Variants in PDGFA observed in about 807,000 individuals in gnomAD.
The protein encoded by PDGFA is platelet-derived growth factor subunit A.
In PDGFA, 9 loss-of-function variants were observed where a neutral mutation model predicts 25.6. The observed-to-expected ratio is 0.35, with a 90% CI of 0.21 to 0.61. The LOEUF is 0.61. Ranked by LOEUF, PDGFA falls within the 20% of genes least tolerant of loss-of-function variation. The probability of loss-of-function intolerance (pLI) is 0.75; values close to 1 mark genes in which losing one functional copy is unlikely to be tolerated. For missense variants in PDGFA, 242 were observed against 272.8 expected (o/e 0.89, Z 0.79); for synonymous variants, 133 against 111.8 (o/e 1.19, Z -1.20).
At position 517,896 on chromosome 7, in the gene PDGFA, A is replaced by G. The variant is rs891959797; in HGVS notation, c.64-406T>C. On this transcript the variant is annotated intron_variant, in intron 1 of 5. Transcript: ENST00000402802. This position sits in a 1 kb window ranked among gnomAD's most constrained non-coding sequence, Gnocchi z 7.4. ...AGTTAAAATGCGTCACGGGTCGGCGAGAGTCACGGCAGCCCTAACACTTTA... is the reference window on the plus strand; with the variant it reads ...AGTTAAAATGCGTCACGGGTCGGCGGGAGTCACGGCAGCCCTAACACTTTA... Among the ~76,000 whole-genome samples the G allele has an allele frequency of 1.3e-5, 2 of 152,206 alleles. No individual in the cohort carries two copies.
chr7:498,456 G>A (rs1024501918), exon 6 of PDGFA: 101 of 1,063,968 alleles, frequency 9.5e-5, no homozygotes, highest in Non-Finnish European at 1.2e-4. Context: ...AGTTTTTCAC[G>A]GAGGAGAACA....
chr7:507,171 G>A (rs751617038), intron 4 of PDGFA, among the ~76,000 whole-genome samples: 40 of 152,214 alleles, frequency 2.6e-4, no homozygotes, highest in Non-Finnish European at 4.4e-4. Context: ...AGCCCCCTGG[G>A]TCCAAAGCCG....
upstream of PDGFA, chr7:519,914 G>GCCCC (rs758427523): frequency 1.0e-4 from 6 of 59,404 alleles, no homozygotes; most frequent in East Asian, 6.7e-4. Context: ...CCCCGCCCCC[G>GCCCC]CCCCCCCCCC....
intron 5 of PDGFA, 94 bp from the exon 6 acceptor site, chr7:498,668 A>T: frequency 2.5e-6 from 3 of 1,179,088 alleles, no homozygotes; most frequent in African/African-American, 1.5e-5. Flanking sequence ...CAGGGTGAAA[A>T]CATTTAACCC....
At chr7:518,896 C>T (rs760947125) in intron 1 of PDGFA, 43 bp downstream of exon 1, 62 of 1,395,146 alleles carry the variant, frequency 4.4e-5, no homozygotes, top group Non-Finnish European at 5.7e-5. Flanking sequence ...GGGTGTGCGC[C>T]GGAGGAGCCG....
chr7:513,270 G>T (rs1450916522), intron 2 of PDGFA: 2 of 153,298 alleles, frequency 1.3e-5, no homozygotes, highest in African/African-American at 2.4e-5. Flanking sequence ...ACTGACCGGG[G>T]AGCAGAACTG....
upstream of PDGFA, among the ~76,000 whole-genome samples, chr7:519,604 G>C (rs1783277615): frequency 6.9e-6 from 1 of 144,980 alleles, no homozygotes; most frequent in Admixed American, 6.8e-5. Context: ...CCTCCGCGGC[G>C]CGCCCTCGGC....
intron 2 of PDGFA, chr7:512,948 C>G (rs1301441170): frequency 4.3e-6 from 1 of 231,556 alleles, no homozygotes; most frequent in African/African-American, 2.2e-5. Flanking sequence ...GCCTGTACGT[C>G]TCCCTCCCTC....
chr7:506,175 C>CAAA (rs34159199), intron 4 of PDGFA, among the ~76,000 whole-genome samples: 4,700 of 107,224 alleles, frequency 0.044, 336 homozygotes, highest in African/African-American at 0.15. Flanking sequence ...GACTCTGTCT[C>CAAA]AAAAAAAAAA....
In PDGFA at chr7:500,789, G is replaced by A; in HGVS notation, c.580+327C>T. ...CTCCTCCCGCCCACCCTGGCAGGAG[G>A]CCCTTCTGCAGATTCTTCTCAGCTC... On this transcript the variant is annotated intron_variant, in intron 5 of 5. Coordinates refer to ENST00000402802, the Ensembl canonical transcript of PDGFA. This position sits in a 1 kb window ranked among gnomAD's most constrained non-coding sequence, Gnocchi z 5.0. 1 of 1,443,934 alleles carries A rather than the reference G, an allele frequency of 6.9e-7. No individual in the cohort carries two copies. Among genetic ancestry groups the A allele is most frequent in the Non-Finnish European group, 9.1e-7 (1 of 1,099,840 alleles). The allele number at this position is 1,443,934 out of a possible 1,614,324, so 89.4% of individuals were successfully genotyped here.
chr7:507,227 C>T (rs954484968), intron 4 of PDGFA, among the ~76,000 whole-genome samples: 3 of 152,250 alleles, frequency 2.0e-5, no homozygotes, highest in Non-Finnish European at 2.9e-5. Flanking sequence ...GAGAAGACGC[C>T]TCCCAGAAGC....
At position 502,774 on chromosome 7, in the gene PDGFA, A is replaced by ACT. The variant is rs1411321986; in HGVS notation, c.454-1533_454-1532insAG. ...CAACAAGAGAGGCAAGAAATCACAC[A>ACT]CACACACACACACACACACACACAC... On this transcript the variant is annotated intron_variant, in intron 4 of 5. Transcript: ENST00000402802. 4.5e-5 allele frequency among the ~76,000 whole-genome samples: 6 copies of ACT among 134,022 alleles called. No individual in the cohort carries two copies. The Admixed American group carries it at 4.6e-4, about 10-fold the overall frequency. 87.9% of individuals were successfully genotyped at this position (134,022 alleles called of 152,430 possible). A position where few individuals can be genotyped will look rare whatever the true frequency, so the allele number is the denominator to read the frequency against.
At chr7:518,112 G>A (rs1410766966) in intron 1 of PDGFA, among the ~76,000 whole-genome samples, 1 of 152,132 alleles carries the variant, frequency 6.6e-6, no homozygotes, top group East Asian at 1.9e-4. Flanking sequence ...CCCAAATCCA[G>A]CCGGCGGCCG....
At chr7:512,295 T>G in intron 3 of PDGFA, 56 bp downstream of exon 3, 1 of 1,486,168 alleles carries the variant, frequency 6.7e-7, no homozygotes, top group Non-Finnish European at 9.2e-7. Context: ...CATCGCGGCC[T>G]CCTGGACTCA....
At chr7:497,808 A>G (rs1438324735) in exon 6 of PDGFA, 1 of 139,908 alleles carries the variant, frequency 7.1e-6, no homozygotes, top group Non-Finnish European at 1.5e-5. Flanking sequence ...ATACCGTCGC[A>G]CTGTCCTGAC....
At chr7:510,767 A>AGGAGGGGAGAGGAGAGGAGG in intron 4 of PDGFA, 42 bp downstream of exon 4, 1 of 480,668 alleles carries the variant, frequency 2.1e-6, no homozygotes, top group South Asian at 2.3e-5. Flanking sequence ...GGGAGAGGAG[A>AGGAGGGGAGAGGAGAGGAGG]GGAGGGGAGG....
At chr7:497,282 T>A (rs1347911831) in exon 6 of PDGFA, 3 of 151,848 alleles carry the variant, frequency 2.0e-5, no homozygotes, top group Admixed American at 6.5e-5. Context: ...TTTTTTTTTT[T>A]AATTTTGGAT....
chr7:497,451 T>C (rs1234124135), exon 6 of PDGFA: 1 of 152,186 alleles, frequency 6.6e-6, no homozygotes, highest in Non-Finnish European at 1.5e-5. Context: ...ATTTGGGTTC[T>C]GTCCAAACAC....
intron 2 of PDGFA, chr7:513,553 C>A (rs369939182): frequency 6.6e-6 from 1 of 151,892 alleles, no homozygotes; most frequent in African/African-American, 2.4e-5. Flanking sequence ...TGAACAGGCG[C>A]GGAGACAGTG....
Sources: allele counts gnomAD v4.1 joint callset (sites outside exome capture counted in the v4.1 genomes callset), GRCh38; gene constraint gnomAD v4.1.1; non-coding constraint Gnocchi (gnomAD v3.1); transcripts MANE v1.5; gene names NCBI Gene and HGNC (gene_info 2026-07-23, HGNC 2026-07-21).